Variants in TAS2R1 observed in about 807,000 individuals in gnomAD.
TAS2R1 encodes taste receptor type 2 member 1.
For missense variants in TAS2R1, 370 were observed against 353.4 expected, an observed-to-expected ratio of 1.05 and a Z score of -0.38; for synonymous variants, 141 against 134.2, an observed-to-expected ratio of 1.05 and a Z score of -0.35.
the TAS2R1 span, among the ~76,000 whole-genome samples, chr5:9,797,267 G>A: frequency 2.0e-4 from 31 of 152,320 alleles, no homozygotes; most frequent in African/African-American, 7.5e-4. Context: ...AGTGCGTAGA[G>A]GCCAGGGGTA....
At chr5:9,849,463 G>A in the TAS2R1 span, among the ~76,000 whole-genome samples, 1 of 152,184 alleles carries the variant, frequency 6.6e-6, no homozygotes, top group African/African-American at 2.4e-5. Context: ...ATACCCTAAA[G>A]CAAGAGAAGT....
intron 2 of TAS2R1, among the ~76,000 whole-genome samples, chr5:9,655,335 GAA>G (rs1740387907): frequency 6.6e-6 from 1 of 151,996 alleles, no homozygotes; most frequent in Non-Finnish European, 1.5e-5. Flanking sequence ...ACATTTAAAG[GAA>G]AAGACTGACA....
the TAS2R1 span, among the ~76,000 whole-genome samples, chr5:9,770,381 C>T: frequency 6.6e-6 from 1 of 152,010 alleles, no homozygotes; most frequent in South Asian, 2.1e-4. Context: ...GGATAACTGG[C>T]TATTTGGCTA....
intron 1 of TAS2R1, among the ~76,000 whole-genome samples, chr5:9,696,563 AAAAAT>A (rs1193233921): frequency 1.2e-4 from 18 of 152,224 alleles, no homozygotes; most frequent in African/African-American, 2.9e-4. Context: ...TGCCATCTCA[AAAAAT>A]AAAATAAAAT....
At chr5:9,826,798 G>A in the TAS2R1 span, among the ~76,000 whole-genome samples, 2 of 151,896 alleles carry the variant, frequency 1.3e-5, no homozygotes, top group South Asian at 2.1e-4. Flanking sequence ...GGCATTTACT[G>A]GTCACCCCTC....
chr5:9,893,125 A>T, the TAS2R1 span, among the ~76,000 whole-genome samples: 226 of 152,204 alleles, frequency 1.5e-3, no homozygotes, highest in African/African-American at 5.3e-3. Context: ...GCAACCAGAG[A>T]GAAGGGCTCA....
At chr5:9,893,067 AGG>A in the TAS2R1 span, among the ~76,000 whole-genome samples, 2 of 152,198 alleles carry the variant, frequency 1.3e-5, no homozygotes, top group Admixed American at 6.5e-5. Context: ...TTTCTGGGAT[AGG>A]GTCCTGGCAG....
the TAS2R1 span, among the ~76,000 whole-genome samples, chr5:9,808,582 AC>A: frequency 6.6e-6 from 1 of 152,204 alleles, no homozygotes; most frequent in Non-Finnish European, 1.5e-5. Flanking sequence ...GTGAGTGTCA[AC>A]CATGGACCTA....
At chr5:9,738,564 T>C in the TAS2R1 span, among the ~76,000 whole-genome samples, 1 of 152,220 alleles carries the variant, frequency 6.6e-6, no homozygotes, top group Non-Finnish European at 1.5e-5. Flanking sequence ...AACCTAGCGA[T>C]GATTATTACA....
At chr5:9,869,665 C>G in the TAS2R1 span, among the ~76,000 whole-genome samples, 3 of 152,200 alleles carry the variant, frequency 2.0e-5, no homozygotes, top group Non-Finnish European at 1.5e-5. Flanking sequence ...TATCATAATT[C>G]ATTGCTGAGG....
intron 1 of TAS2R1, among the ~76,000 whole-genome samples, chr5:9,668,810 C>G (rs551401616): frequency 6.6e-6 from 1 of 152,058 alleles, no homozygotes; most frequent in East Asian, 1.9e-4. Context: ...CAAAAGCACA[C>G]TTAAGTACAA....
the TAS2R1 span, among the ~76,000 whole-genome samples, chr5:9,753,983 A>G: frequency 6.6e-6 from 1 of 152,194 alleles, no homozygotes; most frequent in Non-Finnish European, 1.5e-5. Flanking sequence ...AGGTAGCATG[A>G]TGAACATCAG....
intron 1 of TAS2R1, among the ~76,000 whole-genome samples, chr5:9,664,611 T>C (rs527418687): frequency 5.3e-5 from 8 of 152,304 alleles, no homozygotes; most frequent in Non-Finnish European, 1.2e-4. Context: ...AAAATGCAAA[T>C]TGGTATTTCT....
chr5:9,796,136 T>G, the TAS2R1 span, among the ~76,000 whole-genome samples: 1 of 152,242 alleles, frequency 6.6e-6, no homozygotes, highest in African/African-American at 2.4e-5. Context: ...GTCAGGACAC[T>G]GATCAAGGCA....
rs140564652 is a variant in TAS2R1 at position 9,700,748 on chromosome 5, T to C, written c.-242+11424A>G. ...CTGTTTTCTCTGTGGACTCTCTCCT[T>C]GGCCTGTAGATGACCGTCTTCTCTC... On this transcript the variant is annotated intron_variant, in intron 1 of 2. Coordinates refer to the TAS2R1 transcript ENST00000506620. Among the ~76,000 whole-genome samples, 339 of 152,276 alleles carry C rather than the reference T, an allele frequency of 2.2e-3. 2 individuals are homozygous for C. Among genetic ancestry groups the C allele is most frequent in the African/African-American group, 7.4e-3 (309 of 41,544 alleles).
chr5:9,655,650 G>A (rs991477515), intron 2 of TAS2R1, among the ~76,000 whole-genome samples: 2 of 151,982 alleles, frequency 1.3e-5, no homozygotes, highest in African/African-American at 4.8e-5. Context: ...ATGTAAAAGG[G>A]TTTATAGAAA....
chr5:9,789,413 T>C, the TAS2R1 span, among the ~76,000 whole-genome samples: 24 of 152,312 alleles, frequency 1.6e-4, no homozygotes, highest in Middle Eastern at 3.4e-3. Flanking sequence ...ATCAACATGC[T>C]TGAAAAATGG....
the TAS2R1 span, among the ~76,000 whole-genome samples, chr5:9,859,473 G>A: frequency 6.6e-6 from 1 of 152,106 alleles, no homozygotes; most frequent in African/African-American, 2.4e-5. Flanking sequence ...TCCTTCTAAG[G>A]TGCATTTTGT....
At chr5:9,780,010 C>A in the TAS2R1 span, among the ~76,000 whole-genome samples, 1 of 152,242 alleles carries the variant, frequency 6.6e-6, no homozygotes, top group Non-Finnish European at 1.5e-5. Flanking sequence ...AAAGGCCAAT[C>A]TTTCTGTGTG....
Sources: allele counts gnomAD v4.1 joint callset (sites outside exome capture counted in the v4.1 genomes callset), GRCh38; gene constraint gnomAD v4.1.1; transcripts MANE v1.5; gene names NCBI Gene and HGNC (gene_info 2026-07-23, HGNC 2026-07-21).